The following FILIP1 variants were observed in gnomAD, a reference collection of about 807,000 sequenced individuals.
FILIP1 encodes filamin A interacting protein 1.
Under a neutral mutation model 102.1 loss-of-function variants are expected in FILIP1, and 61 were observed. That is an observed-to-expected ratio of 0.60 (90% CI 0.49 to 0.74). FILIP1 has a LOEUF of 0.74. FILIP1 is among the 30% of genes least tolerant of loss of function. FILIP1 has a pLI of 0.00. For synonymous variants in FILIP1, 491 were observed against 526.9 expected (o/e 0.93, Z 0.93); for missense variants, 1,314 against 1,441.2 (o/e 0.91, Z 1.43).
At chr6:75,418,762 G>A (rs968727120) in intron 1 of FILIP1, among the ~76,000 whole-genome samples, 6 of 152,130 alleles carry the variant, frequency 3.9e-5, no homozygotes, top group Admixed American at 1.3e-4. Context: ...TTCAAATCAC[G>A]TTTTATAACC....
chr6:75,380,126 T>C (rs947082903), intron 2 of FILIP1, among the ~76,000 whole-genome samples: 3 of 151,758 alleles, frequency 2.0e-5, no homozygotes, highest in Admixed American at 1.3e-4. Flanking sequence ...GACTTCTGAA[T>C]ACAGGGAAGA....
chr6:75,492,072 G>T (rs1156800708), intron 1 of FILIP1, among the ~76,000 whole-genome samples: 4 of 152,106 alleles, frequency 2.6e-5, no homozygotes, highest in Admixed American at 6.6e-5. Context: ...AGGAGTTTCA[G>T]TCTCTAATAG....
intron 2 of FILIP1, among the ~76,000 whole-genome samples, chr6:75,373,958 TCC>T (rs1473188588): frequency 5.9e-5 from 9 of 152,012 alleles, no homozygotes; most frequent in Non-Finnish European, 8.8e-5. Context: ...ATCACTGCAC[TCC>T]AGCTGGGGCA....
chr6:75,389,140 T>G (rs1369508714), intron 2 of FILIP1, among the ~76,000 whole-genome samples: 1 of 152,226 alleles, frequency 6.6e-6, no homozygotes, highest in Non-Finnish European at 1.5e-5. Context: ...ATGTGGTGTT[T>G]GTTACTGGTT....
intron 1 of FILIP1, among the ~76,000 whole-genome samples, chr6:75,434,318 T>C (rs1434784067): frequency 6.6e-6 from 1 of 152,376 alleles, no homozygotes; most frequent in East Asian, 1.9e-4. Context: ...TTCCTACCCA[T>C]GAGCATGGAA....
At chr6:75,443,017 C>G (rs1778324625) in intron 1 of FILIP1, among the ~76,000 whole-genome samples, 1 of 152,156 alleles carries the variant, frequency 6.6e-6, no homozygotes, top group Admixed American at 6.5e-5. Flanking sequence ...AGTGAAAAAT[C>G]TTGGAGTGAA....
chr6:75,470,889 G>A (rs541437615), intron 1 of FILIP1, among the ~76,000 whole-genome samples: 6 of 152,186 alleles, frequency 3.9e-5, no homozygotes, highest in Admixed American at 3.9e-4. Context: ...GTCCAGGCCA[G>A]GTGGCTCACG....
chr6:75,341,829 C>T (rs1211234679), intron 4 of FILIP1, among the ~76,000 whole-genome samples: 1 of 152,124 alleles, frequency 6.6e-6, no homozygotes, highest in Non-Finnish European at 1.5e-5. Context: ...TTTTCCTACA[C>T]GTTGCATTGT....
At chr6:75,474,492 T>C (rs950431049) in intron 1 of FILIP1, among the ~76,000 whole-genome samples, 2 of 152,088 alleles carry the variant, frequency 1.3e-5, no homozygotes, top group African/African-American at 4.8e-5. Flanking sequence ...GACCCGACAA[T>C]GGGTCTTGCT....
intron 1 of FILIP1, among the ~76,000 whole-genome samples, chr6:75,432,852 C>CCCCG (rs1777875183): frequency 6.6e-6 from 1 of 152,036 alleles, no homozygotes; most frequent in African/African-American, 2.4e-5. Context: ...TCCCAACAGG[C>CCCCG]CCCGGTGTGT....
intron 2 of FILIP1, among the ~76,000 whole-genome samples, chr6:75,412,675 A>G (rs1312149760): frequency 2.0e-5 from 3 of 152,218 alleles, no homozygotes; most frequent in Admixed American, 6.5e-5. Flanking sequence ...ATATATATCT[A>G]TAGTTCTAAA....
chr6:75,370,157 C>T (rs1484009740), intron 2 of FILIP1, among the ~76,000 whole-genome samples: 1 of 152,188 alleles, frequency 6.6e-6, no homozygotes, highest in East Asian at 1.9e-4. Flanking sequence ...AGTCAAGGAG[C>T]CCTAGAAAAG....
chr6:75,295,792 G>T, exon 7 of FILIP1: 1 of 588,834 alleles, frequency 1.7e-6, no homozygotes, highest in Non-Finnish European at 2.5e-6. Flanking sequence ...ACTGGAAGTA[G>T]TAAAATATTT....
At chr6:75,302,764 G>A (rs1394615398) in intron 6 of FILIP1, among the ~76,000 whole-genome samples, 2 of 152,030 alleles carry the variant, frequency 1.3e-5, no homozygotes, top group African/African-American at 2.4e-5. Context: ...TGTGTTCTAT[G>A]AGTAATAAGG....
intron 1 of FILIP1, among the ~76,000 whole-genome samples, chr6:75,480,928 GCTCA>G (rs747669244): frequency 1.3e-5 from 2 of 152,208 alleles, no homozygotes; most frequent in Non-Finnish European, 2.9e-5. Flanking sequence ...AAAGACTGCA[GCTCA>G]CTAATTCCCC....
rs772545086 is a variant in FILIP1 at position 75,313,741 on chromosome 6, A to C, written c.2091T>G (p.Gly697=). Residue 697 remains glycine, a synonymous_variant, in exon 5 of 6, where the codon GGT becomes GGG. Transcript: ENST00000237172. This position sits in a 1 kb window ranked among gnomAD's most constrained non-coding sequence, Gnocchi z 4.2. ...QIAKNKAIEK[G]EVVSQEAELR... ...GTTCAGCTTCCTGGCTCACAACCTC[A>C]CCCTTCTCTATTGCTTTATTCTTGG... 1.7e-5 allele frequency: 27 copies of C among 1,577,162 alleles called. No homozygotes were observed. The highest frequency in any genetic ancestry group is 2.3e-5 in the Non-Finnish European group (27 of 1,165,608).
chr6:75,427,512 A>G (rs912019667), intron 1 of FILIP1, among the ~76,000 whole-genome samples: 8 of 152,268 alleles, frequency 5.3e-5, no homozygotes, highest in East Asian at 3.9e-4. Flanking sequence ...GAGTTCATTC[A>G]GTCTTTCCAA....
chr6:75,309,278 G>A (rs1773099904), intron 5 of FILIP1, among the ~76,000 whole-genome samples: 2 of 152,078 alleles, frequency 1.3e-5, no homozygotes. Flanking sequence ...TTCCATTTCA[G>A]ATGAAGCCAC....
At chr6:75,431,202 A>T (rs1262345960) in intron 1 of FILIP1, among the ~76,000 whole-genome samples, 1 of 152,216 alleles carries the variant, frequency 6.6e-6, no homozygotes, top group Non-Finnish European at 1.5e-5. Context: ...CTATAGTTAC[A>T]CATCAAGAAA....
Sources: gnomAD v4.1 joint callset for allele counts (sites outside exome capture counted in the v4.1 genomes callset) on GRCh38, gnomAD v4.1.1 for gene constraint, Gnocchi (gnomAD v3.1) non-coding constraint, MANE v1.5 for transcripts, NCBI Gene and HGNC (gene_info 2026-07-23, HGNC 2026-07-21) for gene names.